Variants in PTPRT observed in about 807,000 individuals in gnomAD.
The protein encoded by PTPRT is receptor-type tyrosine-protein phosphatase T.
Under a neutral mutation model 176.8 loss-of-function variants are expected in PTPRT, and 56 were observed. The ratio of observed to expected loss-of-function variants is 0.32; its 90% CI spans 0.26 to 0.40. The LOEUF is 0.40. Among genes scored for constraint, PTPRT ranks in the 10% least tolerant of loss-of-function variants. The pLI is 1.00. For missense variants in PTPRT, 1,540 were observed against 1,908.2 expected (o/e 0.81, Z 3.60); for synonymous variants, 783 against 739.0 (o/e 1.06, Z -0.96).
chr20:42,871,626 G>A (rs964760144), intron 2 of PTPRT, among the ~76,000 whole-genome samples: 5 of 152,052 alleles, frequency 3.3e-5, no homozygotes, highest in Non-Finnish European at 7.4e-5. Context: ...TCATGTTTAG[G>A]TCTTTAATCC....
chr20:42,177,675 A>G (rs1990347749), intron 16 of PTPRT, among the ~76,000 whole-genome samples: 1 of 152,160 alleles, frequency 6.6e-6, no homozygotes, highest in African/African-American at 2.4e-5. Context: ...TTCTAGACAT[A>G]AGGATTTAGT....
At chr20:42,786,161 C>A (rs1191835360) in intron 3 of PTPRT, among the ~76,000 whole-genome samples, 3 of 152,146 alleles carry the variant, frequency 2.0e-5, no homozygotes, top group Non-Finnish European at 4.4e-5. Context: ...TGAGGCCTCC[C>A]CAGCCATGTG....
chr20:42,433,093 C>T (rs1225637401), intron 9 of PTPRT, among the ~76,000 whole-genome samples: 2 of 152,158 alleles, frequency 1.3e-5, no homozygotes, highest in African/African-American at 2.4e-5. Flanking sequence ...CTGGACTTTG[C>T]TTTAATCTAC....
intron 7 of PTPRT, among the ~76,000 whole-genome samples, chr20:42,672,585 C>T (rs2075432420): frequency 6.6e-6 from 1 of 152,218 alleles, no homozygotes; most frequent in African/African-American, 2.4e-5. Flanking sequence ...CCCAACCCCA[C>T]ATCCCTCGAT....
intron 6 of PTPRT, among the ~76,000 whole-genome samples, chr20:42,700,673 G>A (rs865825638): frequency 2.6e-5 from 4 of 152,276 alleles, no homozygotes; most frequent in African/African-American, 4.8e-5. Flanking sequence ...CCTGGGCTGG[G>A]AGTCAGAAAC....
At chr20:42,879,820 C>G (rs1349264033) in intron 2 of PTPRT, among the ~76,000 whole-genome samples, 1 of 152,142 alleles carries the variant, frequency 6.6e-6, no homozygotes, top group Non-Finnish European at 1.5e-5. Flanking sequence ...AACTCCTCCT[C>G]CTTCCAATCT....
intron 1 of PTPRT, among the ~76,000 whole-genome samples, chr20:42,892,539 CTT>C (rs1038281409): frequency 4.0e-5 from 6 of 151,772 alleles, no homozygotes. Context: ...GGAAAATTGC[CTT>C]TACTTGCCCT....
intron 9 of PTPRT, among the ~76,000 whole-genome samples, chr20:42,439,212 C>T (rs2059290208): frequency 6.6e-6 from 1 of 152,082 alleles, no homozygotes; most frequent in African/African-American, 2.4e-5. Flanking sequence ...AGGGCCCTGA[C>T]TTTTAAGATT....
chr20:42,942,683 A>G (rs1372692935), intron 1 of PTPRT, among the ~76,000 whole-genome samples: 1 of 152,140 alleles, frequency 6.6e-6, no homozygotes. Context: ...GCTAAGTTCA[A>G]ACCCTATCTT....
intron 6 of PTPRT, among the ~76,000 whole-genome samples, chr20:42,698,394 T>C (rs545555112): frequency 6.6e-6 from 1 of 152,178 alleles, no homozygotes; most frequent in South Asian, 2.1e-4. Flanking sequence ...AAGGACTAAA[T>C]TGTACCCACA....
chr20:42,191,707 AG>A (rs1991010444), intron 16 of PTPRT, among the ~76,000 whole-genome samples: 2 of 152,200 alleles, frequency 1.3e-5, no homozygotes, highest in South Asian at 4.1e-4. Flanking sequence ...GTGACACCAG[AG>A]GGCAGACAAA....
At chr20:42,735,965 C>A (rs753915702) in intron 6 of PTPRT, among the ~76,000 whole-genome samples, 10 of 152,122 alleles carry the variant, frequency 6.6e-5, no homozygotes, top group Non-Finnish European at 1.2e-4. Flanking sequence ...AAATAAGAAT[C>A]ATAATAATTT....
At position 42,990,473 on chromosome 20, in the gene PTPRT, C is replaced by T. The variant is rs2076385325; in HGVS notation, c.89-104541G>A. ...AAAATGTTTTTAATGTATAAACTTA[C>T]ACACTAATGGGCCCACATCAAGAAT... is the stretch of plus-strand genomic sequence containing the variant. On this transcript the variant is annotated intron_variant, in intron 1 of 30. Coordinates refer to ENST00000373187, the MANE Select transcript of PTPRT (RefSeq NM_007050.6). Among the ~76,000 whole-genome samples the T allele has an allele frequency of 2.6e-5, 4 of 152,098 alleles. No individual in the cohort carries two copies. The South Asian group carries it at 8.3e-4, about 31-fold the overall frequency.
intron 9 of PTPRT, among the ~76,000 whole-genome samples, chr20:42,420,882 G>A (rs548282694): frequency 4.6e-5 from 7 of 152,324 alleles, no homozygotes; most frequent in Admixed American, 3.9e-4. Context: ...AGCTATGGAA[G>A]AAGCCCCTGT....
chr20:42,771,580 ATG>A (rs1217760905), intron 4 of PTPRT, 30 bp from the exon 5 acceptor site: 1 of 1,579,868 alleles, frequency 6.3e-7, no homozygotes. Context: ...ACACAAGAGA[ATG>A]AGATTCGACA....
At chr20:43,104,439 CA>C (rs2012516270) in intron 1 of PTPRT, among the ~76,000 whole-genome samples, 1 of 152,168 alleles carries the variant, frequency 6.6e-6, no homozygotes, top group Admixed American at 6.5e-5. Flanking sequence ...AGGCTACACC[CA>C]GCTTCCAAAC....
rs780013814 is a variant in PTPRT at position 42,352,230 on chromosome 20, C to G, written c.1616G>C (p.Arg539Thr). ...ATTCCGGAGCTTGAACACTTTCCCC[C>G]TCTGGCTCGAGAGGTCAGCACTTGG... ...LDPSADLSSQ[R>T]GKVFKLRNET... is the part of the protein sequence containing the mutation. The change falls in exon 10 of 31, where the codon AGG becomes ACG. Residue 539 changes from arginine to threonine, a missense_variant. Physicochemically the swap from Arg to Thr is moderately conservative, Grantham distance 71. Transcript: ENST00000373187. 2 of 1,614,198 alleles carry G rather than the reference C, an allele frequency of 1.2e-6. No homozygotes were observed. Among genetic ancestry groups the G allele is most frequent in the Non-Finnish European group, 8.5e-7 (1 of 1,180,044 alleles).
intron 2 of PTPRT, among the ~76,000 whole-genome samples, chr20:42,835,219 G>A (rs527575394): frequency 4.1e-4 from 62 of 152,288 alleles, no homozygotes; most frequent in African/African-American, 1.3e-3. Flanking sequence ...ATATTCTGAA[G>A]AATTCAGACA....
At chr20:42,801,741 G>T (rs558518597) in intron 2 of PTPRT, among the ~76,000 whole-genome samples, 4 of 152,168 alleles carry the variant, frequency 2.6e-5, no homozygotes, top group Admixed American at 6.5e-5. Flanking sequence ...TGTAGGCTGA[G>T]GTCTAAGTTA....
Sources: allele counts gnomAD v4.1 joint callset (sites outside exome capture counted in the v4.1 genomes callset), GRCh38; gene constraint gnomAD v4.1.1; transcripts MANE v1.5; gene names NCBI Gene and HGNC (gene_info 2026-07-23, HGNC 2026-07-21).